The following TRPC1 variants were observed in gnomAD, a reference collection of about 807,000 sequenced individuals.
The protein encoded by TRPC1 is transient receptor potential cation channel subfamily C member 1.
A neutral mutation model predicts 88.2 loss-of-function variants in TRPC1; 42 were observed. The ratio of observed to expected loss-of-function variants is 0.48; its 90% CI spans 0.37 to 0.62. The LOEUF (loss-of-function observed/expected upper bound fraction) is 0.62. Among genes scored for constraint, TRPC1 ranks in the 20% least tolerant of loss-of-function variants. The pLI, the probability that TRPC1 is intolerant of heterozygous loss-of-function variation, is 0.00. For synonymous variants in TRPC1, 288 were observed against 331.8 expected (o/e 0.87, Z 1.43); for missense variants, 699 against 957.3 (o/e 0.73, Z 3.56).
intron 9 of TRPC1, among the ~76,000 whole-genome samples, chr3:142,799,528 G>A (rs1047468892): frequency 2.0e-5 from 3 of 152,024 alleles, no homozygotes; most frequent in East Asian, 1.9e-4. Context: ...AAGTCAGGCC[G>A]GGCATGGTGG....
intron 9 of TRPC1, among the ~76,000 whole-genome samples, chr3:142,796,739 G>A (rs1234013727): frequency 6.6e-6 from 1 of 152,100 alleles, no homozygotes; most frequent in Admixed American, 6.6e-5. Flanking sequence ...GTAATAAAAC[G>A]AGGTATGCTT....
At chr3:142,757,827 T>G (rs376359750) in intron 4 of TRPC1, among the ~76,000 whole-genome samples, 1 of 151,998 alleles carries the variant, frequency 6.6e-6, no homozygotes, top group East Asian at 1.9e-4. Context: ...AAAAAAAATT[T>G]TTTTGTGGGT....
At chr3:142,798,616 C>T (rs1200632312) in intron 9 of TRPC1, among the ~76,000 whole-genome samples, 1 of 152,120 alleles carries the variant, frequency 6.6e-6, no homozygotes, top group African/African-American at 2.4e-5. Context: ...GACAGCATAT[C>T]CTTTATAGTT....
intron 4 of TRPC1, among the ~76,000 whole-genome samples, chr3:142,764,819 T>G (rs1170720979): frequency 6.6e-6 from 1 of 152,208 alleles, no homozygotes; most frequent in Non-Finnish European, 1.5e-5. Context: ...GAAAGTTTTC[T>G]GTTGTTATTT....
chr3:142,799,232 G>C (rs1220314423), intron 9 of TRPC1, among the ~76,000 whole-genome samples: 2 of 151,930 alleles, frequency 1.3e-5, no homozygotes, highest in Non-Finnish European at 2.9e-5. Context: ...GTAAATTTTA[G>C]TATTAATATT....
chr3:142,777,831 C>A (rs931012441), intron 5 of TRPC1, 68 bp downstream of exon 5: 2 of 1,455,928 alleles, frequency 1.4e-6, no homozygotes, highest in Non-Finnish European at 1.9e-6. Context: ...CTTCATTACC[C>A]AAATTATAAT....
intron 7 of TRPC1, among the ~76,000 whole-genome samples, chr3:142,788,384 A>AC (rs1402687798): frequency 6.6e-6 from 1 of 152,136 alleles, no homozygotes; most frequent in Non-Finnish European, 1.5e-5. Context: ...ACATCGAAAT[A>AC]CATAGTATAT....
chr3:142,759,603 T>C (rs1005624449), intron 4 of TRPC1, among the ~76,000 whole-genome samples: 3 of 152,184 alleles, frequency 2.0e-5, no homozygotes, highest in Non-Finnish European at 2.9e-5. Context: ...TTGTAAAAAT[T>C]TTCTCCCATT....
chr3:142,748,542 C>G, intron 4 of TRPC1, 82 bp downstream of exon 4: 1 of 1,460,644 alleles, frequency 6.8e-7, no homozygotes, highest in Non-Finnish European at 9.5e-7. Flanking sequence ...TCTTTCTATG[C>G]AGCTTTTAAG....
chr3:142,749,664 T>G (rs111422077), intron 4 of TRPC1, among the ~76,000 whole-genome samples: 32 of 152,284 alleles, frequency 2.1e-4, no homozygotes, highest in African/African-American at 7.5e-4. Context: ...GCTACCTGAC[T>G]TCAAACTATA....
At chr3:142,786,436 A>T (rs1033493632) in intron 7 of TRPC1, among the ~76,000 whole-genome samples, 2 of 152,188 alleles carry the variant, frequency 1.3e-5, no homozygotes, top group African/African-American at 4.8e-5. Context: ...TTTTAACAGT[A>T]TTTAATCTAT....
At chr3:142,803,904 G>T in intron 10 of TRPC1, 73 bp from the exon 11 acceptor site, 1 of 1,408,932 alleles carries the variant, frequency 7.1e-7, no homozygotes, top group South Asian at 1.3e-5. Flanking sequence ...AAATAATTTT[G>T]ATATAAACAA....
chr3:142,757,237 A>G (rs1489248890), intron 4 of TRPC1, among the ~76,000 whole-genome samples: 1 of 152,060 alleles, frequency 6.6e-6, no homozygotes, highest in East Asian at 1.9e-4. Flanking sequence ...TTGGATATAT[A>G]TATATATGTA....
intron 2 of TRPC1, among the ~76,000 whole-genome samples, chr3:142,741,600 C>T (rs539915104): frequency 1.3e-5 from 2 of 152,254 alleles, no homozygotes; most frequent in East Asian, 3.9e-4. Context: ...TCCTTTCCCT[C>T]TACGCTGTTG....
In TRPC1 at chr3:142,733,023, C is replaced by G. The variant is rs1933989147; in HGVS notation, c.173-3356C>G. Among the ~76,000 whole-genome samples the G allele has an allele frequency of 2.0e-5, 3 of 150,744 alleles. No individual in the cohort carries two copies. In the South Asian group the frequency reaches 6.2e-4, roughly 31 times the overall value. On this transcript the variant is annotated intron_variant, in intron 1 of 12. Coordinates refer to ENST00000476941, the MANE Select transcript of TRPC1 (RefSeq NM_001251845.2). ...AAATGAATTGCAAATATAAACTTCT[C>G]TGAAATGCTTAGCAACCACTCTAGG...
chr3:142,766,459 G>C (rs1395142447), intron 4 of TRPC1, among the ~76,000 whole-genome samples: 4 of 149,136 alleles, frequency 2.7e-5, no homozygotes, highest in Non-Finnish European at 4.4e-5. Context: ...GGAGTGTAGT[G>C]TTGCGATCTC....
At position 142,743,563 on chromosome 3, in the gene TRPC1, C is replaced by T. The variant is rs908343352; in HGVS notation, c.406C>T (p.Arg136Ter). 22 of 1,521,964 alleles carry T rather than the reference C, an allele frequency of 1.4e-5. No individual in the cohort carries two copies. The highest frequency in any genetic ancestry group is 7.4e-5 in the East Asian group (3 of 40,330). The allele number at this position is 1,521,964 out of a possible 1,614,324, so 94.3% of individuals were successfully genotyped here. A position where few individuals can be genotyped will look rare whatever the true frequency, so the allele number is the denominator to read the frequency against. ...TATACTACTTAATCATCGACCAAAACGATCATCAAGACCAACTATAGTAGT... is the reference window on the plus strand; with the variant it reads ...TATACTACTTAATCATCGACCAAAATGATCATCAAGACCAACTATAGTAGT... The part of the protein sequence containing the change: ...VDILLNHRPK[R>*]SSRPTIVKLM... The change falls in exon 3 of 13, where the codon CGA (arginine) becomes TGA (stop). Residue 136 changes from arginine to a stop codon, truncating the protein, a stop_gained. Transcript: ENST00000476941. LOFTEE classifies it high-confidence loss of function.
Position 142,767,159 on chromosome 3 carries a change from G to A in TRPC1, c.633-10473G>A, listed in dbSNP as rs934642904. Among the ~76,000 whole-genome samples, 8 of 152,036 alleles carry A rather than the reference G, an allele frequency of 5.3e-5. No homozygotes were observed. The highest frequency in any genetic ancestry group is 1.0e-4 in the Non-Finnish European group (7 of 67,972). On this transcript the variant is annotated intron_variant, in intron 4 of 12. Coordinates refer to ENST00000476941, the MANE Select transcript of TRPC1 (RefSeq NM_001251845.2). The surrounding 1 kb of genome is among the most constrained non-coding windows in gnomAD (Gnocchi z 5.1). ...TTGTAATCCCCAGTGTACAGGTCTT[G>A]TGCTTCTTTATTTTTACTGTTTATT...
rs1021879001 is a variant in TRPC1 at position 142,742,816 on chromosome 3, C to G, written c.328-669C>G. On this transcript the variant is annotated intron_variant, in intron 2 of 12. Transcript: ENST00000476941. ...AAAGTCCCCATTTCCTCAGAGTCTC[C>G]TTACTTTTTCCTCTTTCGGATCTTC... Among the ~76,000 whole-genome samples the G allele has an allele frequency of 7.9e-5, 12 of 152,204 alleles. 1 individual carries two copies. The South Asian group carries it at 2.3e-3, about 29-fold the overall frequency.
Sources: allele counts gnomAD v4.1 joint callset (sites outside exome capture counted in the v4.1 genomes callset), GRCh38; gene constraint gnomAD v4.1.1; non-coding constraint Gnocchi (gnomAD v3.1); transcripts MANE v1.5; gene names NCBI Gene and HGNC (gene_info 2026-07-23, HGNC 2026-07-21).